BMP2K: variants seen among roughly 807,000 people sequenced by gnomAD.
The protein encoded by BMP2K is BMP2 inducible kinase, also known as BMP-2-inducible protein kinase.
Under a neutral mutation model 116.0 loss-of-function variants are expected in BMP2K, and 74 were observed. That is an observed-to-expected ratio of 0.64 (90% CI 0.53 to 0.77). BMP2K has a LOEUF of 0.77. BMP2K is among the 30% of genes least tolerant of loss of function. The pLI is 0.00. For missense variants in BMP2K, 1,365 were observed against 1,403.6 expected, an observed-to-expected ratio of 0.97 and a Z score of 0.44; for synonymous variants, 486 against 502.5, an observed-to-expected ratio of 0.97 and a Z score of 0.44.
At chr4:78,822,769 T>C (rs1035385001) in intron 1 of BMP2K, among the ~76,000 whole-genome samples, 1 of 152,124 alleles carries the variant, frequency 6.6e-6, no homozygotes, top group Non-Finnish European at 1.5e-5. Flanking sequence ...AAAACTGAGG[T>C]ACATGATAAT....
At chr4:78,777,698 T>C (rs886608526) in intron 1 of BMP2K, among the ~76,000 whole-genome samples, 1 of 152,188 alleles carries the variant, frequency 6.6e-6, no homozygotes, top group Admixed American at 6.5e-5. Flanking sequence ...ATAAAAAAAA[T>C]CGAAGAGTGG....
At chr4:78,780,722 CT>C (rs1727464172) in intron 1 of BMP2K, among the ~76,000 whole-genome samples, 1 of 152,280 alleles carries the variant, frequency 6.6e-6, no homozygotes, top group East Asian at 1.9e-4. Context: ...CTAGGTGCTA[CT>C]TAACATAGTA....
intron 7 of BMP2K, among the ~76,000 whole-genome samples, chr4:78,858,278 T>C (rs2110042197): frequency 6.6e-6 from 1 of 152,090 alleles, no homozygotes; most frequent in Admixed American, 6.6e-5. Context: ...ACATTTAATA[T>C]CTGTTGGTAT....
chr4:78,911,832 C>T lies in BMP2K; in HGVS notation c.3285C>T (p.His1095=). The change falls in exon 16 of 16, where the codon CAC becomes CAT. Residue 1095 remains histidine (H), a synonymous_variant. Coordinates refer to ENST00000502613, the MANE Select transcript of BMP2K (RefSeq NM_198892.2). The part of the protein sequence containing the change: ...HQGLSDIRAD[H]NTVLPGRPRQ... ...GCCTGAGCGACATCCGTGCTGATCA[C>T]AATACTGTCCTGCCAGGGCGGCCAA... 2.5e-6 allele frequency: 4 copies of T among 1,613,992 alleles called. No homozygotes were observed. The highest frequency in any genetic ancestry group is 3.4e-6 in the Non-Finnish European group (4 of 1,179,888).
At chr4:78,908,746 A>T (rs1734413175) in intron 15 of BMP2K, among the ~76,000 whole-genome samples, 1 of 152,206 alleles carries the variant, frequency 6.6e-6, no homozygotes, top group Non-Finnish European at 1.5e-5. Context: ...CTCATTTTTT[A>T]AAAAATTATG....
intron 13 of BMP2K, among the ~76,000 whole-genome samples, chr4:78,873,965 G>A (rs1468285718): frequency 1.3e-5 from 2 of 152,044 alleles, no homozygotes; most frequent in African/African-American, 4.8e-5. Flanking sequence ...GGATCACGAG[G>A]TCAGGAGATC....
chr4:78,858,691 A>G (rs907345999), intron 7 of BMP2K, among the ~76,000 whole-genome samples: 1 of 151,870 alleles, frequency 6.6e-6, no homozygotes, highest in African/African-American at 2.4e-5. Flanking sequence ...ATCTCTCTAT[A>G]CATTATTTTA....
At chr4:78,827,345 C>A (rs989559635) in intron 2 of BMP2K, among the ~76,000 whole-genome samples, 2 of 152,122 alleles carry the variant, frequency 1.3e-5, no homozygotes, top group Non-Finnish European at 2.9e-5. Context: ...TCGTAGCCCC[C>A]TGAGGGCTAC....
intron 1 of BMP2K, among the ~76,000 whole-genome samples, chr4:78,811,746 T>C (rs1729101269): frequency 6.6e-6 from 1 of 152,220 alleles, no homozygotes; most frequent in African/African-American, 2.4e-5. Flanking sequence ...CAAAACATTT[T>C]GGAAGTCATT....
At chr4:78,777,527 T>G (rs1269073173) in intron 1 of BMP2K, among the ~76,000 whole-genome samples, 2 of 152,238 alleles carry the variant, frequency 1.3e-5, no homozygotes, top group African/African-American at 4.8e-5. Flanking sequence ...AGAATTTAGT[T>G]TTGTATTTCT....
chr4:78,838,534 T>G (rs1163493483), intron 3 of BMP2K, among the ~76,000 whole-genome samples: 1 of 152,178 alleles, frequency 6.6e-6, no homozygotes, highest in Admixed American at 6.5e-5. Flanking sequence ...TTAGATAAGT[T>G]CCTTTTTCTT....
At chr4:78,784,307 T>C (rs541050242) in intron 1 of BMP2K, among the ~76,000 whole-genome samples, 67 of 152,346 alleles carry the variant, frequency 4.4e-4, no homozygotes, top group African/African-American at 1.5e-3. Flanking sequence ...TGCCACACTT[T>C]TCTAGTGGTC....
intron 9 of BMP2K, among the ~76,000 whole-genome samples, chr4:78,863,828 T>C (rs1429069940): frequency 6.6e-6 from 1 of 152,200 alleles, no homozygotes; most frequent in African/African-American, 2.4e-5. Context: ...AAAGTCAAAC[T>C]TATTATGAAA....
At chr4:78,808,630 A>C (rs1347558089) in intron 1 of BMP2K, among the ~76,000 whole-genome samples, 1 of 152,060 alleles carries the variant, frequency 6.6e-6, no homozygotes, top group African/African-American at 2.4e-5. Context: ...CTTTAACTGC[A>C]TTTTGTTAAG....
chr4:78,910,858 G>A lies in BMP2K; in HGVS notation c.2311G>A (p.Asp771Asn). 1 of 1,614,006 alleles carries A rather than the reference G, an allele frequency of 6.2e-7. No homozygotes were observed. The highest frequency in any genetic ancestry group is 1.1e-5 in the South Asian group (1 of 91,080). ...AGAAGTTCTTCAGGGGGAACAAGGA[G>A]ATTTTAATGATGATGATACTGAACC... Reference protein sequence around the residue: ...DEEVLQGEQGDFNDDDTEPEN... With the variant: ...DEEVLQGEQGNFNDDDTEPEN... The change falls in exon 16 of 16, where the codon GAT (aspartate) becomes AAT (asparagine). Residue 771 changes from aspartate to asparagine, a missense_variant. By Grantham distance (23) the Asp-to-Asn change is conservative (BLOSUM62 1). Coordinates refer to ENST00000502613, the MANE Select transcript of BMP2K (RefSeq NM_198892.2).
chr4:78,878,763 A>T lies in BMP2K; in HGVS notation c.1823A>T (p.Asn608Ile), dbSNP rs2110066963. Reference sequence around the variant, plus strand: ...GTTGCTGATAAAGAGGCCATTGCAAATTTCACAAATCAGAAGAACATCAGC... The same window carrying T: ...GTTGCTGATAAAGAGGCCATTGCAATTTTCACAAATCAGAAGAACATCAGC... ...RSVADKEAIA[N>I]FTNQKNISNP... The change falls in exon 14 of 16, where the codon AAT becomes ATT. Residue 608 changes from asparagine to isoleucine, a missense_variant. Physicochemically the swap from Asn to Ile is moderately radical, Grantham distance 149 (BLOSUM62 -3). Around this residue, in one of 3 missense-constraint regions of BMP2K, gnomAD observed 762 missense variants for 756.7 expected, o/e 1.01. Transcript: ENST00000502613. 1 of 1,612,106 alleles carries T rather than the reference A, an allele frequency of 6.2e-7. No homozygotes were observed. Among genetic ancestry groups the T allele is most frequent in the South Asian group, 1.1e-5 (1 of 90,364 alleles).
chr4:78,854,440 A>C (rs1377029268), intron 7 of BMP2K, among the ~76,000 whole-genome samples: 2 of 151,812 alleles, frequency 1.3e-5, no homozygotes, highest in Middle Eastern at 3.2e-3. Flanking sequence ...TGCCTGGCTA[A>C]TTTTTGTATT....
At position 78,912,255 on chromosome 4, in the gene BMP2K, T is replaced by A; in HGVS notation, c.*222T>A. On this transcript the variant is annotated 3_prime_UTR_variant, in exon 16 of 16. Coordinates refer to ENST00000502613, the MANE Select transcript of BMP2K (RefSeq NM_198892.2). The stretch of plus-strand genomic sequence containing the variant: ...AGGGAGCTAAATTGCAAGCTCTAAC[T>A]AAGGGTTTCTGCTACTGACATCACA... 2.1e-6 allele frequency: 1 copy of A among 478,150 alleles called. No homozygotes were observed. The highest frequency in any genetic ancestry group is 3.7e-6 in the Non-Finnish European group (1 of 272,066). The allele number at this position is 478,150 out of a possible 1,614,324, so 29.6% of individuals were successfully genotyped here. A position where few individuals can be genotyped will look rare whatever the true frequency, so the allele number is the denominator to read the frequency against.
Position 78,776,437 on chromosome 4 carries a change from G to A in BMP2K, c.-107G>A. 1.9e-6 allele frequency: 2 copies of A among 1,045,938 alleles called. No individual in the cohort carries two copies. Among genetic ancestry groups the A allele is most frequent in the Non-Finnish European group, 2.3e-6 (2 of 859,556 alleles). 64.8% of individuals were successfully genotyped at this position (1,045,938 alleles called of 1,614,324 possible). On this transcript the variant is annotated 5_prime_UTR_variant, in exon 1 of 16. Transcript: ENST00000502613. ...TGTGAGGCTTGGCGGGCCGCAGCACGCTCGGACGGGCCAGGGGCGGCGACC... is the reference window on the plus strand; with the variant it reads ...TGTGAGGCTTGGCGGGCCGCAGCACACTCGGACGGGCCAGGGGCGGCGACC...
Sources: gnomAD v4.1 joint callset for allele counts (sites outside exome capture counted in the v4.1 genomes callset) on GRCh38, gnomAD v4.1.1 for gene constraint, gnomAD v4.1.1 regional missense constraint, MANE v1.5 for transcripts, NCBI Gene and HGNC (gene_info 2026-07-23, HGNC 2026-07-21) for gene names.